The following TMEM132D variants were observed in gnomAD, a reference collection of about 807,000 sequenced individuals.
The protein encoded by TMEM132D is mature OL transmembrane protein.
TMEM132D carries 21 observed loss-of-function variants against 62.3 expected under a neutral mutation model. The observed-to-expected ratio is 0.34, with a 90% confidence interval of 0.24 to 0.49. The LOEUF is 0.49. Among genes scored for constraint, TMEM132D ranks in the 20% least tolerant of loss-of-function variants. TMEM132D has a pLI of 0.99. For missense variants in TMEM132D, 1,346 were observed against 1,402.8 expected, an observed-to-expected ratio of 0.96 and a Z score of 0.65; for synonymous variants, 621 against 575.6, an observed-to-expected ratio of 1.08 and a Z score of -1.13.
At chr12:129,706,191 G>A (rs560172552) in intron 1 of TMEM132D, among the ~76,000 whole-genome samples, 3 of 151,854 alleles carry the variant, frequency 2.0e-5, no homozygotes, top group African/African-American at 7.2e-5. Flanking sequence ...TAAGATTCTC[G>A]AGCTGGCTCA....
chr12:129,496,924 G>A (rs1874976040), intron 3 of TMEM132D, among the ~76,000 whole-genome samples: 2 of 152,224 alleles, frequency 1.3e-5, no homozygotes. Context: ...TGGGCCTCCA[G>A]CTCCCCACGG....
intron 1 of TMEM132D, among the ~76,000 whole-genome samples, chr12:129,756,596 G>A (rs1870177652): frequency 6.6e-6 from 1 of 152,238 alleles, no homozygotes; most frequent in African/African-American, 2.4e-5. Context: ...TCTGGAGATG[G>A]ATAAGGGTGA....
chr12:129,172,150 T>C (rs1437588617), intron 5 of TMEM132D, among the ~76,000 whole-genome samples: 4 of 152,244 alleles, frequency 2.6e-5, no homozygotes, highest in African/African-American at 9.6e-5. Flanking sequence ...CTTGCACTTT[T>C]ATATTGTGAA....
chr12:129,243,712 A>T (rs1433054041), intron 4 of TMEM132D, among the ~76,000 whole-genome samples: 1 of 152,222 alleles, frequency 6.6e-6, no homozygotes, highest in Non-Finnish European at 1.5e-5. Context: ...GTAAAGGCGA[A>T]TTTAATGCAA....
intron 5 of TMEM132D, among the ~76,000 whole-genome samples, chr12:129,151,467 C>T (rs1272287386): frequency 6.6e-6 from 1 of 152,210 alleles, no homozygotes; most frequent in Non-Finnish European, 1.5e-5. Context: ...GACACCATCA[C>T]ACCCGTCTTG....
rs35226197 is a variant in TMEM132D at position 129,088,835 on chromosome 12, A to G, written c.1444-4133T>C. 9.7e-4 allele frequency among the ~76,000 whole-genome samples: 10 copies of G among 10,266 alleles called. 1 individual carries two copies. Among genetic ancestry groups the G allele is most frequent in the African/African-American group, 8.1e-3 (7 of 864 alleles). 6.7% of individuals were successfully genotyped at this position (10,266 alleles called of 152,430 possible). On this transcript the variant is annotated intron_variant, in intron 5 of 8. Transcript: ENST00000422113. ...TGACCGGGTGTCCTCCATGACCGGG[A>G]TGTCCTCCATGACCGGGTGTCCTCC...
chr12:129,823,502 GC>G (rs1320382814), intron 1 of TMEM132D, among the ~76,000 whole-genome samples: 1 of 152,252 alleles, frequency 6.6e-6, no homozygotes, highest in Non-Finnish European at 1.5e-5. Context: ...CCAGCCAAGG[GC>G]CAGCCTTGCC....
chr12:129,503,997 T>TGTC (rs1875248876), intron 3 of TMEM132D, among the ~76,000 whole-genome samples: 1 of 62,190 alleles, frequency 1.6e-5, no homozygotes, highest in African/African-American at 1.5e-4. Flanking sequence ...TCATCATTAT[T>TGTC]GTCATCATTA....
At chr12:129,698,316 C>T (rs1432000787) in intron 2 of TMEM132D, 5 of 151,664 alleles carry the variant, frequency 3.3e-5, no homozygotes, top group South Asian at 2.1e-4. Context: ...GCGAATGGCA[C>T]GTCCAGCCAG....
intron 2 of TMEM132D, among the ~76,000 whole-genome samples, chr12:129,626,977 C>T (rs562880457): frequency 3.4e-4 from 51 of 152,096 alleles, no homozygotes; most frequent in Admixed American, 1.2e-3. Context: ...CTCAGAACCA[C>T]CTGTTTCAAA....
At chr12:129,629,673 A>T (rs891175139) in intron 2 of TMEM132D, among the ~76,000 whole-genome samples, 4 of 152,014 alleles carry the variant, frequency 2.6e-5, no homozygotes, top group African/African-American at 9.7e-5. Flanking sequence ...TAATAATAAA[A>T]AAAAAAAACT....
At chr12:129,297,144 A>G (rs1306659294) in intron 4 of TMEM132D, among the ~76,000 whole-genome samples, 1 of 152,204 alleles carries the variant, frequency 6.6e-6, no homozygotes, top group Admixed American at 6.5e-5. Flanking sequence ...TGTCAGAGGA[A>G]AGTCCTCAGA....
intron 2 of TMEM132D, among the ~76,000 whole-genome samples, chr12:129,559,232 TTAACTC>T (rs1157604674): frequency 6.6e-6 from 1 of 152,338 alleles, no homozygotes; most frequent in South Asian, 2.1e-4. Flanking sequence ...GCTGAGTTCT[TTAACTC>T]TAGGTATTTT....
At chr12:129,195,587 C>T (rs895370476) in intron 5 of TMEM132D, among the ~76,000 whole-genome samples, 2 of 152,076 alleles carry the variant, frequency 1.3e-5, no homozygotes, top group African/African-American at 4.8e-5. Context: ...ACCCACTTAT[C>T]TGGTTCTAAA....
chr12:129,779,969 T>C lies in TMEM132D; in HGVS notation c.80-79271A>G, dbSNP rs937257066. ...CTCCGAGAAAGCACTGTCAGCCCCA[T>C]TTCATCCATGAGGAATCAGGAGCCC... On this transcript the variant is annotated intron_variant, in intron 1 of 8. Transcript: ENST00000422113. This position sits in a 1 kb window ranked among gnomAD's most constrained non-coding sequence, Gnocchi z 4.1. Among the ~76,000 whole-genome samples the C allele has an allele frequency of 2.6e-5, 4 of 151,904 alleles. No homozygotes were observed. The highest frequency in any genetic ancestry group is 9.7e-5 in the African/African-American group (4 of 41,332).
intron 3 of TMEM132D, among the ~76,000 whole-genome samples, chr12:129,515,281 T>A (rs1304630835): frequency 6.6e-6 from 1 of 152,200 alleles, no homozygotes; most frequent in Admixed American, 6.5e-5. Context: ...GCACGGTTTT[T>A]TGAACTAATT....
At chr12:129,518,884 A>C (rs1293188728) in intron 3 of TMEM132D, among the ~76,000 whole-genome samples, 1 of 152,214 alleles carries the variant, frequency 6.6e-6, no homozygotes, top group Non-Finnish European at 1.5e-5. Flanking sequence ...GATAAATCCT[A>C]AAATGTAGAA....
intron 5 of TMEM132D, among the ~76,000 whole-genome samples, chr12:129,104,696 GA>G (rs1157237869): frequency 6.6e-6 from 1 of 151,168 alleles, no homozygotes; most frequent in Non-Finnish European, 1.5e-5. Context: ...AAATTTACAA[GA>G]AAAAAACAAA....
At chr12:129,396,949 A>T (rs1871448430) in intron 3 of TMEM132D, among the ~76,000 whole-genome samples, 3 of 152,318 alleles carry the variant, frequency 2.0e-5, no homozygotes, top group African/African-American at 7.2e-5. Flanking sequence ...AGGCAGTCAC[A>T]TTGCTTGTAC....
Sources: allele counts gnomAD v4.1 joint callset (sites outside exome capture counted in the v4.1 genomes callset), GRCh38; gene constraint gnomAD v4.1.1; non-coding constraint Gnocchi (gnomAD v3.1); transcripts MANE v1.5; gene names NCBI Gene and HGNC (gene_info 2026-07-23, HGNC 2026-07-21).